Variants in YAE1 observed in about 807,000 individuals in gnomAD.
YAE1 encodes protein YAE1 homolog.
YAE1 carries 22 observed loss-of-function variants against 23.0 expected under a neutral mutation model. The ratio of observed to expected loss-of-function variants is 0.96; its 90% CI spans 0.68 to 1.37. The LOEUF (loss-of-function observed/expected upper bound fraction) is 1.37, where lower values mean the gene tolerates loss of function less well. Among genes scored for constraint, YAE1 ranks in the 40% most tolerant of loss-of-function variants. The pLI is 0.00. For missense variants in YAE1, 260 were observed against 262.1 expected (o/e 0.99, Z 0.06); for synonymous variants, 101 against 97.0 (o/e 1.04, Z -0.24).
intron 2 of YAE1, among the ~76,000 whole-genome samples, chr7:39,589,955 C>A (rs921728240): frequency 6.6e-6 from 1 of 152,164 alleles, no homozygotes; most frequent in African/African-American, 2.4e-5. Flanking sequence ...TTCCAAAAAC[C>A]TTGGGACTTA....
intron 2 of YAE1, among the ~76,000 whole-genome samples, chr7:39,587,363 G>A (rs983984500): frequency 2.4e-4 from 37 of 151,730 alleles, no homozygotes; most frequent in African/African-American, 8.5e-4. Context: ...GCAACAGAGC[G>A]AGACTCTGGC....
Position 39,572,714 on chromosome 7 carries a change from T to C in YAE1, c.*8T>C, listed in dbSNP as rs772809332. 3 of 1,552,210 alleles carry C rather than the reference T, an allele frequency of 1.9e-6. No individual in the cohort carries two copies. The African/African-American group carries it at 4.2e-5, about 21-fold the overall frequency. The stretch of plus-strand genomic sequence containing the variant: ...CACCTCAAACAACTATAAAATTACC[T>C]TCCCTTTTCTAATGAAAATAATGTT... On this transcript the variant is annotated 3_prime_UTR_variant, in exon 3 of 3. Coordinates refer to ENST00000223273, the MANE Select transcript of YAE1 (RefSeq NM_020192.5).
intron 2 of YAE1, among the ~76,000 whole-genome samples, chr7:39,591,272 A>G (rs941913585): frequency 2.6e-5 from 4 of 152,228 alleles, no homozygotes; most frequent in Admixed American, 6.5e-5. Flanking sequence ...GACACAATTC[A>G]GTGCAAAACA....
intron 2 of YAE1, among the ~76,000 whole-genome samples, chr7:39,604,570 G>C (rs981307874): frequency 1.3e-5 from 2 of 152,188 alleles, no homozygotes; most frequent in African/African-American, 4.8e-5. Context: ...ATTTATCTTA[G>C]AGGAGTTTGG....
chr7:39,599,652 AAGTT>A (rs1471371555), intron 2 of YAE1, among the ~76,000 whole-genome samples: 2 of 152,148 alleles, frequency 1.3e-5, no homozygotes, highest in Non-Finnish European at 2.9e-5. Flanking sequence ...CTCTCATAGT[AAGTT>A]AGTAGAGACC....
intron 1 of YAE1, chr7:39,570,051 G>A (rs1790540283): frequency 1.5e-6 from 2 of 1,316,788 alleles, no homozygotes; most frequent in Non-Finnish European, 2.2e-6. Context: ...GCATAAAATT[G>A]TATCATCCAG....
At position 39,566,441 on chromosome 7, in the gene YAE1, C is replaced by A. The variant is rs761144000; in HGVS notation, c.23C>A (p.Ser8Tyr). The change falls in exon 1 of 3, where the codon TCC (serine) becomes TAC (tyrosine). Residue 8 changes from serine to tyrosine, a missense_variant. Coordinates refer to ENST00000223273, the MANE Select transcript of YAE1 (RefSeq NM_020192.5). ...GTGATGTCGTGGGTTCAAGCAGCCT[C>A]CTTGATCCAGGGCCCTGGAGACAAA... MSWVQAA[S>Y]LIQGPGDKGD... The A allele has an allele frequency of 6.2e-7, 1 of 1,614,186 alleles. No individual in the cohort carries two copies. The highest frequency in any genetic ancestry group is 1.1e-5 in the South Asian group (1 of 91,082).
chr7:39,610,398 A>G (rs374444177), downstream of YAE1: 6 of 457,004 alleles, frequency 1.3e-5, no homozygotes, highest in South Asian at 4.7e-5. Context: ...GAACATTCCA[A>G]CGTTTCTGCA....
intron 2 of YAE1, among the ~76,000 whole-genome samples, chr7:39,600,568 T>C (rs6967804): frequency 0.066 from 10,071 of 152,048 alleles, 1,147 homozygotes; most frequent in African/African-American, 0.23. Flanking sequence ...TGGCTAATTT[T>C]GTGTTTTTAG....
chr7:39,599,027 G>C (rs1170858912), intron 2 of YAE1, among the ~76,000 whole-genome samples: 1 of 151,890 alleles, frequency 6.6e-6, no homozygotes, highest in African/African-American at 2.4e-5. Context: ...CAGTTCACTT[G>C]ACAGGAGTTT....
At chr7:39,568,555 A>G (rs1020328283) in intron 1 of YAE1, among the ~76,000 whole-genome samples, 4 of 152,186 alleles carry the variant, frequency 2.6e-5, no homozygotes, top group African/African-American at 9.7e-5. Flanking sequence ...AAAATCTGAA[A>G]TGAATGGCCA....
rs1790594919 is a variant in YAE1, at chr7:39,572,798, A to G, written c.*92A>G. ...TACTGGTTTCTGCATCAAACACCTC[A>G]ACTGTAGGGTTACCCTTTATGGAAG... On this transcript the variant is annotated 3_prime_UTR_variant, in exon 3 of 3. Transcript: ENST00000223273. 4.1e-6 allele frequency: 6 copies of G among 1,475,492 alleles called. No homozygotes were observed. Among genetic ancestry groups the G allele is most frequent in the Middle Eastern group, 3.6e-4 (2 of 5,508 alleles). The allele number at this position is 1,475,492 out of a possible 1,614,324, so 91.4% of individuals were successfully genotyped here. A position where few individuals can be genotyped will look rare whatever the true frequency, so the allele number is the denominator to read the frequency against.
Position 39,566,532 on chromosome 7 carries a change from G to C in YAE1, c.114G>C (p.Met38Ile). Residue 38 changes from methionine to isoleucine, a missense_variant, in exon 1 of 3, where the codon ATG becomes ATC. Transcript: ENST00000223273. ...LLAQREWQSN[M>I]QRRVKEGYRD... Reference sequence around the variant, plus strand: ...CGCAGCGGGAATGGCAGAGTAACATGCAAAGACGAGTCAAAGTAAACGTGG... The same window carrying C: ...CGCAGCGGGAATGGCAGAGTAACATCCAAAGACGAGTCAAAGTAAACGTGG... 6.2e-7 allele frequency: 1 copy of C among 1,613,998 alleles called. No individual in the cohort carries two copies. Among genetic ancestry groups the C allele is most frequent in the Non-Finnish European group, 8.5e-7 (1 of 1,179,908 alleles).
At chr7:39,611,384 G>C (rs1791214223), downstream of YAE1, among the ~76,000 whole-genome samples, 1 of 152,182 alleles carries the variant, frequency 6.6e-6, no homozygotes, top group Non-Finnish European at 1.5e-5. Flanking sequence ...ACTGGGTCCT[G>C]AACCTCTAAA....
At chr7:39,572,150 T>C (rs1380400747) in intron 2 of YAE1, 127 bp from the exon 3 acceptor site, 20 of 1,001,718 alleles carry the variant, frequency 2.0e-5, no homozygotes, top group Non-Finnish European at 2.3e-5. Context: ...TATAGAGTTA[T>C]GAAAGAGGGG....
At position 39,609,727 on chromosome 7, in the gene YAE1, G is replaced by A. The variant is rs868013686; in HGVS notation, c.362G>A (p.Gly121Glu). 2.4e-5 allele frequency: 37 copies of A among 1,535,558 alleles called. No homozygotes were observed. In the African/African-American group the frequency reaches 3.7e-4, roughly 15 times the overall value. ...CCGGTCCCCGGCCACATGGCGAGCG[G>A]GGCGACACCGAAGCAGCCCACGGAG... Residue 121 changes from glycine (G) to glutamate (E), a missense_variant, in exon 3 of 3, where the codon GGG becomes GAG. Gly to Glu is a moderately conservative substitution (Grantham distance 98). Transcript: ENST00000432096.
chr7:39,570,139 A>C, intron 1 of YAE1: 1 of 817,434 alleles, frequency 1.2e-6, no homozygotes, highest in South Asian at 1.5e-5. Context: ...TCCAGGGAGC[A>C]CCCCCAAGCA....
intron 2 of YAE1, among the ~76,000 whole-genome samples, chr7:39,579,904 C>A (rs1359470394): frequency 1.3e-5 from 2 of 151,818 alleles, no homozygotes; most frequent in South Asian, 4.2e-4. Context: ...AATAGCCAGG[C>A]ATGGTGGCAT....
rs1187874753 is a variant in YAE1 at position 39,609,713 on chromosome 7, C to A, written c.348C>A (p.Gly116=). 2.0e-6 allele frequency: 3 copies of A among 1,535,614 alleles called. No homozygotes were observed. In the Admixed American group the frequency reaches 5.9e-5, roughly 30 times the overall value. Residue 116 remains glycine (G), a synonymous_variant, in exon 3 of 3, where the codon GGC becomes GGA. Transcript: ENST00000432096. Reference sequence around the variant, plus strand: ...TGCCGCGTCCCCTCCCGGTCCCCGGCCACATGGCGAGCGGGGCGACACCGA... The same window carrying A: ...TGCCGCGTCCCCTCCCGGTCCCCGGACACATGGCGAGCGGGGCGACACCGA...
Sources: gnomAD v4.1 joint callset for allele counts (sites outside exome capture counted in the v4.1 genomes callset) on GRCh38, gnomAD v4.1.1 for gene constraint, MANE v1.5 for transcripts, NCBI Gene and HGNC (gene_info 2026-07-23, HGNC 2026-07-21) for gene names.